CCDC32: variants seen among roughly 807,000 people sequenced by gnomAD.
CCDC32 encodes coiled-coil domain containing 32.
Under a neutral mutation model 20.1 loss-of-function variants are expected in CCDC32, and 9 were observed. The observed-to-expected ratio is 0.45, with a 90% CI of 0.27 to 0.78. The LOEUF is 0.78. CCDC32 is among the 30% of genes least tolerant of loss of function. CCDC32 has a pLI of 0.16. For synonymous variants in CCDC32, 63 were observed against 79.0 expected, an observed-to-expected ratio of 0.80 and a Z score of 1.07; for missense variants, 204 against 215.5, an observed-to-expected ratio of 0.95 and a Z score of 0.33.
chr15:40,529,523 C>T (rs916504981), intron 3 of CCDC32: 2 of 152,218 alleles, frequency 1.3e-5, no homozygotes, highest in African/African-American at 4.8e-5. Context: ...ATTCCTTGTA[C>T]ATTCAACTTT....
chr15:40,521,893 A>G, the CCDC32 span, among the ~76,000 whole-genome samples: 1 of 151,832 alleles, frequency 6.6e-6, no homozygotes, highest in Non-Finnish European at 1.5e-5. Flanking sequence ...CAGATATTTT[A>G]TGCCATTCTG....
At chr15:40,549,698 G>C (rs990182223), downstream of CCDC32, among the ~76,000 whole-genome samples, 13 of 152,212 alleles carry the variant, frequency 8.5e-5, no homozygotes, top group African/African-American at 3.1e-4. Flanking sequence ...ATGAATCTCT[G>C]CCTTAAATAA....
downstream of CCDC32, among the ~76,000 whole-genome samples, chr15:40,534,191 C>T (rs1279255868): frequency 6.6e-6 from 1 of 152,200 alleles, no homozygotes; most frequent in Non-Finnish European, 1.5e-5. Flanking sequence ...TCAGGTCTAA[C>T]CTTAGTCAGG....
rs377511037 is a variant in CCDC32 at position 40,563,073 on chromosome 15, C to T, written c.-12-46G>A. 59 of 1,588,618 alleles carry T rather than the reference C, an allele frequency of 3.7e-5. No homozygotes were observed. The East Asian group carries it at 1.0e-3, about 28-fold the overall frequency. On this transcript the variant is annotated intron_variant, in intron 1 of 3. Coordinates refer to ENST00000416810, the MANE Select transcript of CCDC32 (RefSeq NM_001080792.4). Reference sequence around the variant, plus strand: ...TGAGTAAGAACTGGCTTTAAGAATACAGCATAAGGTTGAGCACAGTGGCTC... The same window carrying T: ...TGAGTAAGAACTGGCTTTAAGAATATAGCATAAGGTTGAGCACAGTGGCTC...
At chr15:40,546,353 G>A (rs1204496936) in intron 3 of CCDC32, among the ~76,000 whole-genome samples, 1 of 151,636 alleles carries the variant, frequency 6.6e-6, no homozygotes. Context: ...CACCATGCCT[G>A]GCTAATTTCT....
intron 3 of CCDC32, among the ~76,000 whole-genome samples, chr15:40,539,597 C>T (rs1446932175): frequency 1.3e-5 from 2 of 152,176 alleles, no homozygotes; most frequent in Non-Finnish European, 2.9e-5. Flanking sequence ...GCCCGTGGCA[C>T]CACAGCAAGA....
chr15:40,536,109 G>A (rs926815217), downstream of CCDC32: 8 of 152,192 alleles, frequency 5.3e-5, no homozygotes, highest in African/African-American at 2.4e-5. Context: ...CCCCCAAAGG[G>A]GTCCCAAGTC....
downstream of CCDC32, chr15:40,535,636 G>C: frequency 3.0e-6 from 3 of 985,042 alleles, no homozygotes; most frequent in South Asian, 4.7e-5. Flanking sequence ...AAAAAATAGT[G>C]CATGCTGAAC....
At chr15:40,545,137 A>G (rs1233473977) in intron 3 of CCDC32, among the ~76,000 whole-genome samples, 2 of 152,182 alleles carry the variant, frequency 1.3e-5, no homozygotes, top group African/African-American at 4.8e-5. Flanking sequence ...CTCTTACCCA[A>G]TGTACACTCC....
At chr15:40,535,483 T>G, downstream of CCDC32, 3 of 988,128 alleles carry the variant, frequency 3.0e-6, no homozygotes, top group Non-Finnish European at 3.6e-6. Context: ...TGAAGGAGTT[T>G]TTCCACATAT....
At chr15:40,528,609 A>G, downstream of CCDC32, 1 of 607,440 alleles carries the variant, frequency 1.6e-6, no homozygotes, top group South Asian at 2.0e-5. Flanking sequence ...GGAAGACACC[A>G]GGTCTGGTAA....
At chr15:40,540,181 A>T (rs1889328064) in intron 3 of CCDC32, among the ~76,000 whole-genome samples, 1 of 152,088 alleles carries the variant, frequency 6.6e-6, no homozygotes, top group Admixed American at 6.6e-5. Context: ...TGACTAGGGC[A>T]ATCCAGAGGA....
the CCDC32 span, among the ~76,000 whole-genome samples, chr15:40,521,728 A>G: frequency 6.6e-6 from 1 of 152,160 alleles, no homozygotes; most frequent in East Asian, 1.9e-4. Flanking sequence ...TTGCCTTTCC[A>G]TGATGGCTAG....
At chr15:40,544,073 A>G (rs563284797) in intron 3 of CCDC32, among the ~76,000 whole-genome samples, 1 of 151,916 alleles carries the variant, frequency 6.6e-6, no homozygotes, top group Admixed American at 6.6e-5. Flanking sequence ...ATCCTCTTTC[A>G]CTTCCCATTC....
intron 3 of CCDC32, among the ~76,000 whole-genome samples, chr15:40,554,464 G>T (rs970318520): frequency 1.5e-5 from 1 of 65,260 alleles, no homozygotes; most frequent in Non-Finnish European, 4.8e-5. Context: ...ACTCAAAACA[G>T]GAGAGGAGAG....
intron 2 of CCDC32, among the ~76,000 whole-genome samples, chr15:40,560,791 C>T (rs1376062472): frequency 1.3e-5 from 2 of 152,174 alleles, no homozygotes; most frequent in Middle Eastern, 3.2e-3. Context: ...TCAGTACAAC[C>T]TCTATGGAAA....
At chr15:40,521,111 T>G in the CCDC32 span, among the ~76,000 whole-genome samples, 1 of 152,186 alleles carries the variant, frequency 6.6e-6, no homozygotes, top group African/African-American at 2.4e-5. Flanking sequence ...CGGGTTGGTC[T>G]TGCTGTCTTG....
At chr15:40,528,795 TA>T in intron 3 of CCDC32, 5 of 696,604 alleles carry the variant, frequency 7.2e-6, no homozygotes, top group Admixed American at 4.1e-5. Flanking sequence ...AAAAAACTAT[TA>T]AAAAAAAGAG....
At chr15:40,544,520 C>T (rs775549024) in intron 3 of CCDC32, among the ~76,000 whole-genome samples, 34 of 152,290 alleles carry the variant, frequency 2.2e-4, no homozygotes, top group Middle Eastern at 3.4e-3. Context: ...GCGGAGCCCC[C>T]TGGCATCTAT....
Sources: gnomAD v4.1 joint callset for allele counts (sites outside exome capture counted in the v4.1 genomes callset) on GRCh38, gnomAD v4.1.1 for gene constraint, MANE v1.5 for transcripts, NCBI Gene and HGNC (gene_info 2026-07-23, HGNC 2026-07-21) for gene names.